Variants in DENND2B observed in about 807,000 individuals in gnomAD.
DENND2B encodes the protein DENN domain containing 2B.
In DENND2B, 32 loss-of-function variants were observed where a neutral mutation model predicts 116.0. That is an observed-to-expected ratio of 0.28 (90% confidence interval 0.21 to 0.37). The LOEUF is 0.37. Ranked by LOEUF, DENND2B falls within the 10% of genes least tolerant of loss-of-function variation. The pLI is 1.00. For missense variants in DENND2B, 1,276 were observed against 1,477.7 expected (o/e 0.86, Z 2.24); for synonymous variants, 588 against 583.9 (o/e 1.01, Z -0.10).
chr11:8,845,772 A>G (rs2062789787), intron 3 of DENND2B, among the ~76,000 whole-genome samples: 1 of 152,202 alleles, frequency 6.6e-6, no homozygotes, highest in Non-Finnish European at 1.5e-5. Flanking sequence ...TCTGAAGACT[A>G]CTAGCTTATC....
chr11:8,710,805 C>A (rs1348333471), intron 11 of DENND2B, 40 bp downstream of exon 11: 2 of 1,578,404 alleles, frequency 1.3e-6, no homozygotes, highest in African/African-American at 2.8e-5. Flanking sequence ...CCTGGCCTAT[C>A]CCCTGCCTGC....
At chr11:8,817,564 G>A (rs1475251581) in intron 4 of DENND2B, among the ~76,000 whole-genome samples, 1 of 152,142 alleles carries the variant, frequency 6.6e-6, no homozygotes, top group Non-Finnish European at 1.5e-5. Flanking sequence ...AACTAGGGAA[G>A]TGTGGAATTC....
Position 8,834,919 on chromosome 11 carries a change from T to C in DENND2B, c.-115+4391A>G, listed in dbSNP as rs116989030. ...CACAAAACAATACCTCTGTAAATAC[T>C]AGCAATAAAACAAAATGTAAGAGGA... is the stretch of plus-strand genomic sequence containing the variant. On this transcript the variant is annotated intron_variant, in intron 4 of 6. Transcript: ENST00000524757. Among the ~76,000 whole-genome samples, 35 of 152,282 alleles carry C rather than the reference T, an allele frequency of 2.3e-4. No individual in the cohort carries two copies. In the East Asian group the frequency reaches 5.8e-3, roughly 25 times the overall value.
intron 1 of DENND2B, among the ~76,000 whole-genome samples, chr11:8,806,908 C>CTTTTTTTTTTTTTTTTT (rs71059181): frequency 6.8e-6 from 1 of 146,498 alleles, no homozygotes; most frequent in Non-Finnish European, 1.5e-5. Flanking sequence ...GCCAGATGGT[C>CTTTTTTTTTTTTTTTTT]TTTTTTTTTT....
chr11:8,700,367 T>C (rs1244282435), intron 14 of DENND2B, among the ~76,000 whole-genome samples: 1 of 152,186 alleles, frequency 6.6e-6, no homozygotes, highest in African/African-American at 2.4e-5. Flanking sequence ...GAGGCTGTGA[T>C]GGGAACAAGT....
chr11:8,731,273 G>A, intron 2 of DENND2B, 64 bp from the exon 3 acceptor site: 1 of 1,392,842 alleles, frequency 7.2e-7, no homozygotes, highest in East Asian at 2.5e-5. Context: ...ACCAACCAGT[G>A]GCATCCTGTT....
chr11:8,705,425 C>T (rs1335902578), intron 13 of DENND2B, among the ~76,000 whole-genome samples: 1 of 152,138 alleles, frequency 6.6e-6, no homozygotes, highest in African/African-American at 2.4e-5. Context: ...ATCCGGATCA[C>T]GGCTTCCTTT....
At chr11:8,697,924 G>C in intron 16 of DENND2B, 1 of 500,454 alleles carries the variant, frequency 2.0e-6, no homozygotes, top group Admixed American at 2.5e-5. Flanking sequence ...GCCCAGGAGG[G>C]AGTTCGAGAC....
chr11:8,870,610 C>G (rs966907641), intron 2 of DENND2B, among the ~76,000 whole-genome samples: 5 of 152,092 alleles, frequency 3.3e-5, no homozygotes, highest in Non-Finnish European at 5.9e-5. Flanking sequence ...CACCGAGAGG[C>G]AAGGCGGTGC....
intron 9 of DENND2B, among the ~76,000 whole-genome samples, chr11:8,711,735 C>T (rs1424154112): frequency 5.3e-5 from 8 of 152,012 alleles, no homozygotes; most frequent in Admixed American, 1.3e-4. Context: ...GGAGTGGTGG[C>T]GCATGCCTGT....
chr11:8,799,692 C>T (rs2060150490), intron 1 of DENND2B, among the ~76,000 whole-genome samples: 1 of 151,642 alleles, frequency 6.6e-6, no homozygotes, highest in South Asian at 2.1e-4. Context: ...AGTCCTCCTG[C>T]CTCAGCTTCC....
intron 2 of DENND2B, among the ~76,000 whole-genome samples, chr11:8,859,583 C>T (rs992847014): frequency 2.0e-4 from 30 of 152,258 alleles, no homozygotes; most frequent in Admixed American, 3.3e-4. Context: ...GCTGGGATTA[C>T]AGGCGTGAGC....
chr11:8,694,700 G>A (rs2040035187), intron 19 of DENND2B: 2 of 454,942 alleles, frequency 4.4e-6, no homozygotes, highest in South Asian at 1.6e-5. Context: ...AATGGATGGT[G>A]GTGTCTGTAC....
intron 2 of DENND2B, among the ~76,000 whole-genome samples, chr11:8,735,104 G>C (rs1254674368): frequency 6.6e-6 from 1 of 152,118 alleles, no homozygotes; most frequent in African/African-American, 2.4e-5. Flanking sequence ...CTCGAATCTT[G>C]GTTGATCTCG....
At chr11:8,889,164 G>A (rs1239573259) in intron 1 of DENND2B, among the ~76,000 whole-genome samples, 2 of 152,186 alleles carry the variant, frequency 1.3e-5, no homozygotes, top group East Asian at 1.9e-4. Flanking sequence ...TAGCTAAAAT[G>A]TGGAAGCAAC....
intron 1 of DENND2B, among the ~76,000 whole-genome samples, chr11:8,795,949 T>C (rs2059776793): frequency 6.6e-6 from 1 of 152,172 alleles, no homozygotes; most frequent in East Asian, 1.9e-4. Context: ...AACTACATTA[T>C]CTTTCCTTCA....
At chr11:8,771,539 G>GAGAGAC (rs2056867760) in intron 1 of DENND2B, 1 of 144,868 alleles carries the variant, frequency 6.9e-6, no homozygotes, top group Non-Finnish European at 1.5e-5. Flanking sequence ...CAGAGAGAGA[G>GAGAGAC]AGAGAGAGAG....
At chr11:8,800,085 C>T (rs1465470829) in intron 1 of DENND2B, among the ~76,000 whole-genome samples, 1 of 151,980 alleles carries the variant, frequency 6.6e-6, no homozygotes, top group Non-Finnish European at 1.5e-5. Flanking sequence ...TCCCAAGTAG[C>T]TGGGACTACA....
intron 2 of DENND2B, among the ~76,000 whole-genome samples, chr11:8,876,983 G>C (rs2063849336): frequency 6.6e-6 from 1 of 152,014 alleles, no homozygotes; most frequent in South Asian, 2.1e-4. Flanking sequence ...GGAGATGTCA[G>C]GTGGCCTTTA....
Sources: allele counts gnomAD v4.1 joint callset (sites outside exome capture counted in the v4.1 genomes callset), GRCh38; gene constraint gnomAD v4.1.1; transcripts MANE v1.5; gene names NCBI Gene and HGNC (gene_info 2026-07-23, HGNC 2026-07-21).